The following ARAP2 variants were observed in gnomAD, a reference collection of about 807,000 sequenced individuals.
ARAP2 encodes the protein ArfGAP with RhoGAP domain, ankyrin repeat and PH domain 2.
Under a neutral mutation model 194.5 loss-of-function variants are expected in ARAP2, and 148 were observed. The observed-to-expected ratio is 0.76, with a 90% confidence interval of 0.67 to 0.87. ARAP2 has a LOEUF of 0.87. Ranked by LOEUF, ARAP2 falls within the 40% of genes least tolerant of loss-of-function variation. ARAP2 has a pLI of 0.00. For synonymous variants in ARAP2, 695 were observed against 683.5 expected (o/e 1.02, Z -0.26); for missense variants, 2,128 against 1,989.7 (o/e 1.07, Z -1.32).
At chr4:36,196,064 A>C (rs1334518120) in intron 6 of ARAP2, among the ~76,000 whole-genome samples, 1 of 152,248 alleles carries the variant, frequency 6.6e-6, no homozygotes, top group East Asian at 1.9e-4. Flanking sequence ...CATCTTTTAA[A>C]AGAACGGTTG....
intron 26 of ARAP2, among the ~76,000 whole-genome samples, chr4:36,112,772 C>A (rs557959201): frequency 6.6e-6 from 1 of 150,600 alleles, no homozygotes; most frequent in Non-Finnish European, 1.5e-5. Context: ...GTAATAAGTA[C>A]TATAAAGAGA....
chr4:36,110,308 T>C (rs376865479), intron 26 of ARAP2, among the ~76,000 whole-genome samples: 1 of 151,892 alleles, frequency 6.6e-6, no homozygotes, highest in Admixed American at 6.6e-5. Context: ...GCAGTTTATG[T>C]GTCAGTCAGA....
At chr4:36,201,762 T>C (rs1427594419) in intron 6 of ARAP2, among the ~76,000 whole-genome samples, 2 of 152,160 alleles carry the variant, frequency 1.3e-5, no homozygotes, top group African/African-American at 4.8e-5. Context: ...AGAGGCACTC[T>C]TGTTTAATTT....
intron 5 of ARAP2, among the ~76,000 whole-genome samples, chr4:36,045,312 T>C (rs910211343): frequency 7.2e-5 from 11 of 152,084 alleles, no homozygotes; most frequent in Non-Finnish European, 1.6e-4. Context: ...AGTGGATAAG[T>C]GGGTAAAAAA....
chr4:36,070,943 C>T (rs577272945), intron 32 of ARAP2, among the ~76,000 whole-genome samples: 4 of 152,204 alleles, frequency 2.6e-5, no homozygotes, highest in Non-Finnish European at 5.9e-5. Flanking sequence ...GAGGGGACCC[C>T]AGCTTGGCCT....
At chr4:36,114,956 C>A (rs569712175) in intron 25 of ARAP2, among the ~76,000 whole-genome samples, 1 of 152,090 alleles carries the variant, frequency 6.6e-6, no homozygotes, top group Admixed American at 6.6e-5. Flanking sequence ...TTATGCCAAT[C>A]TTAAGTGCAT....
Position 36,213,321 on chromosome 4 carries a change from T to G in ARAP2, c.965-2A>C. ...AAGATGAATTCTCCTCATTTGAATC[T>G]TTTAGGGGAATTACAGGATGAGAAC... is the stretch of plus-strand genomic sequence containing the variant. On this transcript the variant is annotated splice_acceptor_variant, in intron 3 of 32. Transcript: ENST00000303965. LOFTEE classifies it high-confidence loss of function. The G allele has an allele frequency of 6.3e-7, 1 of 1,591,896 alleles. No homozygotes were observed. Among genetic ancestry groups the G allele is most frequent in the East Asian group, 2.2e-5 (1 of 44,594 alleles).
Position 36,242,192 on chromosome 4 carries a change from T to C in ARAP2, c.-160+1987A>G, listed in dbSNP as rs57618196. Among the ~76,000 whole-genome samples, 937 of 152,282 alleles carry C rather than the reference T, an allele frequency of 6.2e-3. 8 individuals carry two copies. Among genetic ancestry groups the C allele is most frequent in the African/African-American group, 0.022 (898 of 41,566 alleles). ...AGCCTCTAATCTCACATCCACCATA[T>C]GTGGTCAAAGCTAAGACATATTTCC... On this transcript the variant is annotated intron_variant, in intron 1 of 32. Transcript: ENST00000303965.
chr4:36,171,814 CAAAA>C, intron 9 of ARAP2, among the ~76,000 whole-genome samples: 1 of 150,070 alleles, frequency 6.7e-6, no homozygotes, highest in African/African-American at 2.4e-5. Context: ...AACTTAATTA[CAAAA>C]AAAAAGTCCT....
chr4:36,168,954 TTGA>T (rs2100028878), intron 9 of ARAP2, among the ~76,000 whole-genome samples: 2 of 152,348 alleles, frequency 1.3e-5, no homozygotes, highest in East Asian at 1.9e-4. Flanking sequence ...AGGGTTATAC[TTGA>T]TTATTATTTT....
intron 5 of ARAP2, among the ~76,000 whole-genome samples, chr4:36,032,595 ATTTAT>A (rs763789307): frequency 7.9e-5 from 12 of 152,216 alleles, no homozygotes; most frequent in Admixed American, 2.0e-4. Flanking sequence ...TAACTGTTCA[ATTTAT>A]TTTAAGATTA....
chr4:36,121,496 A>C lies in ARAP2; in HGVS notation c.3747-170T>G, dbSNP rs547840722. On this transcript the variant is annotated intron_variant, in intron 22 of 32. Coordinates refer to ENST00000303965, the MANE Select transcript of ARAP2 (RefSeq NM_015230.4). Reference sequence around the variant, plus strand: ...TCTTTCTTCTAAGTAGCTTATAATGATAGTTAAGAACATCAGAAAAAGTAC... The same window carrying C: ...TCTTTCTTCTAAGTAGCTTATAATGCTAGTTAAGAACATCAGAAAAAGTAC... 5.4e-3 allele frequency among the ~76,000 whole-genome samples: 814 copies of C among 151,918 alleles called. 11 individuals carry two copies. The highest frequency in any genetic ancestry group is 0.018 in the African/African-American group (767 of 41,534).
intron 6 of ARAP2, among the ~76,000 whole-genome samples, chr4:36,016,206 T>C (rs1715769487): frequency 6.6e-6 from 1 of 152,170 alleles, no homozygotes; most frequent in Non-Finnish European, 1.5e-5. Flanking sequence ...AGAATATGTA[T>C]AGTATAATAG....
intron 7 of ARAP2, chr4:36,015,753 T>C (rs1026355093): frequency 1.3e-5 from 2 of 152,214 alleles, no homozygotes; most frequent in African/African-American, 4.8e-5. Flanking sequence ...AAATAGATTC[T>C]ACCTCTTGAA....
intron 26 of ARAP2, among the ~76,000 whole-genome samples, chr4:36,111,999 A>G (rs562412248): frequency 1.6e-4 from 25 of 152,022 alleles, no homozygotes; most frequent in African/African-American, 6.0e-4. Context: ...AGCGTGTAGG[A>G]GACAATCATC....
intron 21 of ARAP2, among the ~76,000 whole-genome samples, chr4:36,127,889 C>A (rs559074463): frequency 6.6e-5 from 10 of 151,980 alleles, no homozygotes; most frequent in African/African-American, 2.4e-4. Context: ...ATATTTAAGT[C>A]TTTGTTATTG....
intron 26 of ARAP2, 47 bp from the exon 27 acceptor site, chr4:36,107,740 C>T: frequency 1.3e-6 from 2 of 1,524,646 alleles, no homozygotes; most frequent in Non-Finnish European, 1.8e-6. Context: ...ATGAGGATAA[C>T]AATTTTTTAT....
At chr4:36,010,809 A>G (rs1474632265) in intron 9 of ARAP2, among the ~76,000 whole-genome samples, 2 of 152,048 alleles carry the variant, frequency 1.3e-5, no homozygotes, top group East Asian at 1.9e-4. Context: ...GTAAGATAGC[A>G]TTTCCTGGCC....
chr4:36,130,264 T>C (rs1255188896), intron 20 of ARAP2, among the ~76,000 whole-genome samples: 1 of 152,036 alleles, frequency 6.6e-6, no homozygotes, highest in East Asian at 1.9e-4. Context: ...CTTAAAAATC[T>C]GAATGCTGCC....
Sources: allele counts gnomAD v4.1 joint callset (sites outside exome capture counted in the v4.1 genomes callset), GRCh38; gene constraint gnomAD v4.1.1; transcripts MANE v1.5; gene names NCBI Gene and HGNC (gene_info 2026-07-23, HGNC 2026-07-21).